ZNF665: variants seen among roughly 807,000 people sequenced by gnomAD.
The protein encoded by ZNF665 is zinc finger protein 665.
Under a neutral mutation model 7.9 loss-of-function variants are expected in ZNF665, and 6 were observed. That is an observed-to-expected ratio of 0.76 (90% confidence interval 0.42 to 1.50). The LOEUF is 1.50. Ranked by LOEUF, ZNF665 falls within the 40% of genes most tolerant of loss-of-function variation. The probability of loss-of-function intolerance (pLI) is 0.01; values close to 1 mark genes in which losing one functional copy is unlikely to be tolerated. For missense variants in ZNF665, 819 were observed against 806.7 expected (o/e 1.02, Z -0.18); for synonymous variants, 242 against 274.5 (o/e 0.88, Z 1.17).
intron 2 of ZNF665, among the ~76,000 whole-genome samples, chr19:53,178,924 C>G (rs893033548): frequency 1.3e-5 from 2 of 152,086 alleles, no homozygotes; most frequent in African/African-American, 4.8e-5. Flanking sequence ...TACACAGGAG[C>G]CAAATGAGAT....
intron 1 of ZNF665, among the ~76,000 whole-genome samples, chr19:53,188,950 A>G (rs965789833): frequency 1.3e-5 from 2 of 152,024 alleles, no homozygotes; most frequent in South Asian, 2.1e-4. Flanking sequence ...TGCTTGCCTC[A>G]GCCTCCCAAA....
chr19:53,174,447 A>G (rs2090681209), intron 3 of ZNF665, among the ~76,000 whole-genome samples: 2 of 151,208 alleles, frequency 1.3e-5, no homozygotes, highest in Admixed American at 1.3e-4. Flanking sequence ...TTCCCAAAAA[A>G]CTCTCCCATT....
At position 53,175,576 on chromosome 19, in the gene ZNF665, A is replaced by G. The variant is rs747104790; in HGVS notation, c.16-5T>C. 1 of 1,591,804 alleles carries G rather than the reference A, an allele frequency of 6.3e-7. No homozygotes were observed. The highest frequency in any genetic ancestry group is 1.9e-5 in the Admixed American group (1 of 52,478). On this transcript the variant is annotated splice_region_variant and splice_polypyrimidine_tract_variant and intron_variant, in intron 2 of 3. Transcript: ENST00000396424. ...ATCCTTGAATGTCAACTGTCCCTAA[A>G]ATGAAAAACACATTTCACCAAGTGA...
chr19:53,175,453 A>C lies in ZNF665; in HGVS notation c.134T>G (p.Val45Gly). The C allele has an allele frequency of 6.2e-7, 1 of 1,610,806 alleles. No homozygotes were observed. The highest frequency in any genetic ancestry group is 8.5e-7 in the Non-Finnish European group (1 of 1,178,942). ...AAGAAAGTCATCCTCACCCAGGGAG[A>C]CCAGGTTCCTATAATTCTCCAACAT... The part of the protein sequence containing the change: ...DVMLENYRNL[V>G]SLDISCKCVN... The change falls in exon 3 of 4, where the codon GTC (valine) becomes GGC (glycine). Residue 45 changes from valine (V) to glycine (G), a missense_variant. Coordinates refer to ENST00000396424, the MANE Select transcript of ZNF665 (RefSeq NM_024733.5).
Position 53,182,870 on chromosome 19 carries a change from G to T in ZNF665, c.15+14C>A. On this transcript the variant is annotated intron_variant, in intron 2 of 3. Coordinates refer to ENST00000396424, the MANE Select transcript of ZNF665 (RefSeq NM_024733.5). ...GGAAGGAGACAGAACAATCCACCGA[G>T]AATATCATCTCACCTGAGGAAGAGC... The T allele has an allele frequency of 6.2e-7, 1 of 1,613,114 alleles. No individual in the cohort carries two copies. The highest frequency in any genetic ancestry group is 8.5e-7 in the Non-Finnish European group (1 of 1,180,002).
chr19:53,175,521 C>G lies in ZNF665; in HGVS notation c.66G>C (p.Trp22Cys), dbSNP rs774448274. Residue 22 changes from tryptophan (W) to cysteine (C), a missense_variant, in exon 3 of 4, where the codon TGG becomes TGC. Physicochemically the swap from Trp to Cys is radical, Grantham distance 215. Coordinates refer to ENST00000396424, the MANE Select transcript of ZNF665 (RefSeq NM_024733.5). ...TCTTCTGAGCAGGGTCCAGGCATGT[C>G]CACTCCTCCTGAGAGAATTCTATGG... ...DVAIEFSQEE[W>C]TCLDPAQKTL... The G allele has an allele frequency of 6.2e-7, 1 of 1,611,884 alleles. No individual in the cohort carries two copies. The highest frequency in any genetic ancestry group is 8.5e-7 in the Non-Finnish European group (1 of 1,179,338).
At chr19:53,177,339 T>C (rs529024490) in intron 2 of ZNF665, among the ~76,000 whole-genome samples, 5 of 152,188 alleles carry the variant, frequency 3.3e-5, no homozygotes, top group African/African-American at 7.2e-5. Flanking sequence ...GGCTCATGCC[T>C]GTAATCCTAG....
intron 3 of ZNF665, 71 bp from the exon 4 acceptor site, chr19:53,166,418 C>G: frequency 7.6e-7 from 1 of 1,313,660 alleles, no homozygotes; most frequent in Non-Finnish European, 1.0e-6. Context: ...CATTGAAAAA[C>G]CTAATGTTAC....
At position 53,165,060 on chromosome 19, in the gene ZNF665, C is replaced by T. The variant is rs754940609; in HGVS notation, c.1430G>A (p.Arg477Gln). 1.5e-5 allele frequency: 25 copies of T among 1,613,736 alleles called. No homozygotes were observed. The highest frequency in any genetic ancestry group is 1.6e-4 in the Middle Eastern group (1 of 6,082). ...AGGTTTCTCTCCAGAATGAATTCCCCGATGACTTGCAAGGTGTGAATTTTG... is the reference window on the plus strand; with the variant it reads ...AGGTTTCTCTCCAGAATGAATTCCCTGATGACTTGCAAGGTGTGAATTTTG... ...FTQNSHLASH[R>Q]GIHSGEKPYK... Residue 477 changes from arginine (R) to glutamine (Q), a missense_variant, in exon 4 of 4, where the codon CGG (arginine) becomes CAG (glutamine). By Grantham distance (43) the Arg-to-Gln change is conservative. Transcript: ENST00000396424.
chr19:53,171,074 T>G (rs1054275365), intron 3 of ZNF665, among the ~76,000 whole-genome samples: 9 of 152,076 alleles, frequency 5.9e-5, no homozygotes, highest in African/African-American at 2.2e-4. Context: ...AACCTCCACC[T>G]CCCGGGTTGA....
At chr19:53,177,122 C>T (rs921258014) in intron 2 of ZNF665, among the ~76,000 whole-genome samples, 1 of 151,864 alleles carries the variant, frequency 6.6e-6, no homozygotes, top group Admixed American at 6.6e-5. Context: ...CTATCTCAAA[C>T]AAAAACAAAA....
At chr19:53,190,575 C>T (rs1011500971) in intron 1 of ZNF665, among the ~76,000 whole-genome samples, 3 of 152,208 alleles carry the variant, frequency 2.0e-5, no homozygotes, top group Non-Finnish European at 4.4e-5. Context: ...ATTCTCTTAA[C>T]CCCTTCCTTG....
intron 1 of ZNF665, among the ~76,000 whole-genome samples, chr19:53,191,316 G>T (rs1363704078): frequency 5.9e-5 from 9 of 152,024 alleles, no homozygotes; most frequent in African/African-American, 1.9e-4. Flanking sequence ...AAACACTTTG[G>T]TTTTTCCTCC....
intron 2 of ZNF665, among the ~76,000 whole-genome samples, chr19:53,178,493 G>A (rs939788342): frequency 6.6e-6 from 1 of 152,202 alleles, no homozygotes; most frequent in Admixed American, 6.5e-5. Context: ...GGAGGCCAAG[G>A]CAGGCAGATT....
At chr19:53,184,915 C>T (rs531923076) in intron 1 of ZNF665, among the ~76,000 whole-genome samples, 15 of 151,936 alleles carry the variant, frequency 9.9e-5, no homozygotes, top group African/African-American at 2.9e-4. Flanking sequence ...GCCTGGCAGC[C>T]GAGGCAGAGA....
Position 53,164,978 on chromosome 19 carries a change from A to G in ZNF665, c.1512T>C (p.His504=), listed in dbSNP as rs1390231848. 5.0e-6 allele frequency: 8 copies of G among 1,613,948 alleles called. No homozygotes were observed. Among genetic ancestry groups the G allele is most frequent in the Non-Finnish European group, 5.9e-6 (7 of 1,179,992 alleles). ...GTTTTTCTCCAGTATGAACTCTCCA[A>G]TGCCTTGCAAGTTGTGATGTTTGAC... ...AFSQTSQLAR[H]WRVHTGEKPY... Residue 504 remains histidine, a synonymous_variant, in exon 4 of 4, where the codon CAT becomes CAC. Transcript: ENST00000396424.
chr19:53,165,955 TATA>T lies in ZNF665; in HGVS notation c.532_534del (p.Tyr178del), dbSNP rs1450228244. ...AAGACCTTGCCACATTCATCACATT[TATA>T]ATGTTTTCCTCGATTATTAGGAGAC... On this transcript the variant is annotated inframe_deletion, in exon 4 of 4. Coordinates refer to ENST00000396424, the MANE Select transcript of ZNF665 (RefSeq NM_024733.5). 6 of 1,613,886 alleles carry T rather than the reference TATA, an allele frequency of 3.7e-6. No homozygotes were observed. Among genetic ancestry groups the T allele is most frequent in the African/African-American group, 1.3e-5 (1 of 74,938 alleles).
Position 53,165,972 on chromosome 19 carries a change from T to C in ZNF665, c.518A>G (p.Asn173Ser). ...EYNQVEKSPNNRGKHYKCDEC... is the reference protein window; with the variant it reads ...EYNQVEKSPNSRGKHYKCDEC... The stretch of plus-strand genomic sequence containing the variant: ...ATCACATTTATAATGTTTTCCTCGA[T>C]TATTAGGAGACTTCTCAACTTGATT... Residue 173 changes from asparagine (N) to serine (S), a missense_variant, in exon 4 of 4, where the codon AAT (asparagine) becomes AGT (serine). Transcript: ENST00000396424. The C allele has an allele frequency of 6.2e-7, 1 of 1,613,808 alleles. No homozygotes were observed. The highest frequency in any genetic ancestry group is 8.5e-7 in the Non-Finnish European group (1 of 1,179,794).
intron 2 of ZNF665, chr19:53,182,263 C>T (rs992265885): frequency 9.7e-5 from 16 of 165,028 alleles, no homozygotes; most frequent in South Asian, 4.8e-4. Context: ...CCCAGCTACG[C>T]AGGGGGCCAT....
Sources: allele counts gnomAD v4.1 joint callset (sites outside exome capture counted in the v4.1 genomes callset), GRCh38; gene constraint gnomAD v4.1.1; transcripts MANE v1.5; gene names NCBI Gene and HGNC (gene_info 2026-07-23, HGNC 2026-07-21).